Variants in DNAI4 observed in about 807,000 individuals in gnomAD.
DNAI4 encodes WD repeat domain 78.
DNAI4 carries 85 observed loss-of-function variants against 105.8 expected under a neutral mutation model. The ratio of observed to expected loss-of-function variants is 0.80; its 90% CI spans 0.67 to 0.96. The LOEUF (loss-of-function observed/expected upper bound fraction) is 0.96, where lower values mean the gene tolerates loss of function less well. Ranked by LOEUF, DNAI4 falls within the 40% of genes least tolerant of loss-of-function variation. The pLI is 0.00. For synonymous variants in DNAI4, 352 were observed against 331.5 expected, an observed-to-expected ratio of 1.06 and a Z score of -0.67; for missense variants, 1,014 against 1,005.6, an observed-to-expected ratio of 1.01 and a Z score of -0.11.
chr1:66,869,049 G>A (rs1017513060), intron 6 of DNAI4, among the ~76,000 whole-genome samples: 2 of 150,080 alleles, frequency 1.3e-5, no homozygotes, highest in East Asian at 1.9e-4. Context: ...ACTCCAGCCT[G>A]GCGACAGAGT....
In DNAI4 at chr1:66,874,776, CA is replaced by C; in HGVS notation, c.800+4del. On this transcript the variant is annotated splice_donor_region_variant and intron_variant, in intron 5 of 16. Coordinates refer to ENST00000371026, the MANE Select transcript of DNAI4 (RefSeq NM_024763.5). ...AAACAATGTAGACAACTGAACCATA[CA>C]TACGTTACTTTCTCAGCTTCTTCAG... 6.2e-7 allele frequency: 1 copy of C among 1,602,630 alleles called. No homozygotes were observed. The highest frequency in any genetic ancestry group is 8.5e-7 in the Non-Finnish European group (1 of 1,176,824).
chr1:66,847,937 T>C, intron 7 of DNAI4: 1 of 419,226 alleles, frequency 2.4e-6, no homozygotes, highest in Non-Finnish European at 4.3e-6. Flanking sequence ...ATTTTTGTCT[T>C]TATTCTTTTA....
chr1:66,827,926 T>G lies in DNAI4; in HGVS notation c.2014-16A>C, dbSNP rs199604754. The G allele has an allele frequency of 2.6e-5, 39 of 1,489,534 alleles. No homozygotes were observed. The East Asian group carries it at 8.7e-4, about 33-fold the overall frequency. The allele number at this position is 1,489,534 out of a possible 1,614,324, so 92.3% of individuals were successfully genotyped here. On this transcript the variant is annotated splice_polypyrimidine_tract_variant and intron_variant, in intron 13 of 16. Coordinates refer to ENST00000371026, the MANE Select transcript of DNAI4 (RefSeq NM_024763.5). ...TATTTGTGTCCTACAACACAAAACATCGAAATGCATTGGCTTGTGATACAT... is the reference window on the plus strand; with the variant it reads ...TATTTGTGTCCTACAACACAAAACAGCGAAATGCATTGGCTTGTGATACAT...
intron 3 of DNAI4, 148 bp downstream of exon 3, chr1:66,893,081 G>GAAAGAAAGAAAGAA (rs1647946268): frequency 2.6e-6 from 1 of 384,114 alleles, no homozygotes; most frequent in East Asian, 3.8e-5. Context: ...AAGAAAGAAA[G>GAAAGAAAGAAAGAA]AAAGAAAGAA....
chr1:66,828,898 T>C (rs984252732), intron 13 of DNAI4, among the ~76,000 whole-genome samples: 3 of 152,222 alleles, frequency 2.0e-5, no homozygotes, highest in Non-Finnish European at 2.9e-5. Flanking sequence ...TGGATACTTA[T>C]TATTCTAACA....
At chr1:66,856,486 A>G (rs1026355321) in intron 7 of DNAI4, among the ~76,000 whole-genome samples, 1 of 152,052 alleles carries the variant, frequency 6.6e-6, no homozygotes. Context: ...AAAATAAAAT[A>G]AAAATAAAAA....
intron 1 of DNAI4, among the ~76,000 whole-genome samples, chr1:66,909,799 A>G (rs1195584469): frequency 6.6e-6 from 1 of 151,952 alleles, no homozygotes; most frequent in African/African-American, 2.4e-5. Context: ...CACCCCATCC[A>G]GCAAATCCAC....
chr1:66,846,457 G>A lies in DNAI4; in HGVS notation c.1291+1027C>T, dbSNP rs928639739. Among the ~76,000 whole-genome samples, 6 of 152,262 alleles carry A rather than the reference G, an allele frequency of 3.9e-5. No individual in the cohort carries two copies. In the East Asian group the frequency reaches 1.2e-3, roughly 29 times the overall value. ...TGGAAATACAATAGGCAAACATGGG[G>A]TGGGGATAAGGGTAGACTGTCAAGC... On this transcript the variant is annotated intron_variant, in intron 8 of 16. Transcript: ENST00000371026.
At position 66,834,002 on chromosome 1, in the gene DNAI4, A is replaced by G. The variant is rs1338692077; in HGVS notation, c.1880T>C (p.Leu627Pro). ...GATTTTTCTTTTACCATAACAGTCT[A>G]GTCCTTTTCGTATAACCCATTTGGA... is the stretch of plus-strand genomic sequence containing the variant. ...RISKWVIRKGLDCYDLMRLKR... is the reference protein window; with the variant it reads ...RISKWVIRKGPDCYDLMRLKR... Residue 627 changes from leucine to proline, a missense_variant, in exon 12 of 17, where the codon CTA becomes CCA. Transcript: ENST00000371026. The G allele has an allele frequency of 1.9e-6, 3 of 1,600,858 alleles. No homozygotes were observed. The highest frequency in any genetic ancestry group is 2.5e-6 in the Non-Finnish European group (3 of 1,176,594).
At chr1:66,828,369 C>T (rs142695553) in intron 13 of DNAI4, 2 of 152,042 alleles carry the variant, frequency 1.3e-5, no homozygotes, top group Admixed American at 1.3e-4. Context: ...TAATTTCTCC[C>T]AAATTGGTAT....
At chr1:66,862,071 T>C in intron 7 of DNAI4, 76 bp downstream of exon 7, 6 of 1,396,484 alleles carry the variant, frequency 4.3e-6, no homozygotes, top group Non-Finnish European at 5.8e-6. Context: ...GAAAACATTG[T>C]TAACTGCCAA....
At chr1:66,870,336 G>A (rs1646815380) in intron 6 of DNAI4, among the ~76,000 whole-genome samples, 1 of 151,998 alleles carries the variant, frequency 6.6e-6, no homozygotes, top group African/African-American at 2.4e-5. Flanking sequence ...CAGCTACTCG[G>A]GAGGCTGAGG....
intron 2 of DNAI4, among the ~76,000 whole-genome samples, chr1:66,903,872 A>G (rs1649034580): frequency 6.6e-6 from 1 of 152,148 alleles, no homozygotes; most frequent in African/African-American, 2.4e-5. Context: ...AAGTGGTAAA[A>G]GCAGGCATCC....
chr1:66,893,469 A>G, intron 2 of DNAI4, 56 bp from the exon 3 acceptor site: 1 of 1,222,526 alleles, frequency 8.2e-7, no homozygotes, highest in Non-Finnish European at 1.1e-6. Context: ...GCTTCTAAAT[A>G]ACAGCTGCTA....
At chr1:66,887,823 G>C (rs1647273767) in intron 4 of DNAI4, among the ~76,000 whole-genome samples, 1 of 151,982 alleles carries the variant, frequency 6.6e-6, no homozygotes, top group Admixed American at 6.6e-5. Context: ...GCTGAGTGTG[G>C]TGGCAGGCAC....
intron 2 of DNAI4, among the ~76,000 whole-genome samples, chr1:66,904,373 T>A (rs1410881126): frequency 1.3e-5 from 2 of 152,190 alleles, no homozygotes; most frequent in Non-Finnish European, 2.9e-5. Flanking sequence ...ATACTTGATA[T>A]GATCAGTCTT....
At chr1:66,862,414 G>T in intron 6 of DNAI4, 112 bp from the exon 7 acceptor site, 1 of 1,171,196 alleles carries the variant, frequency 8.5e-7, no homozygotes, top group Non-Finnish European at 1.2e-6. Context: ...ACTATTGCCT[G>T]ATGCAGTTGC....
chr1:66,848,317 A>G, intron 7 of DNAI4: 1 of 454,110 alleles, frequency 2.2e-6, no homozygotes, highest in Non-Finnish European at 4.4e-6. Flanking sequence ...CACAGCTGGA[A>G]AAGATCTTTT....
At chr1:66,852,852 A>G (rs1358432158) in intron 7 of DNAI4, among the ~76,000 whole-genome samples, 1 of 152,160 alleles carries the variant, frequency 6.6e-6, no homozygotes, top group South Asian at 2.1e-4. Flanking sequence ...AGTGTCCTGA[A>G]AAAGATACCT....
Sources: allele counts gnomAD v4.1 joint callset (sites outside exome capture counted in the v4.1 genomes callset), GRCh38; gene constraint gnomAD v4.1.1; transcripts MANE v1.5; gene names NCBI Gene and HGNC (gene_info 2026-07-23, HGNC 2026-07-21).